Variants in PQBP1 observed in about 807,000 individuals in gnomAD.
The protein encoded by PQBP1 is polyglutamine binding protein 1, also known as polyglutamine-binding protein 1.
In PQBP1, 3 loss-of-function variants were observed where a neutral mutation model predicts 20.9. The ratio of observed to expected loss-of-function variants is 0.14; its 90% CI spans 0.07 to 0.37. The LOEUF (loss-of-function observed/expected upper bound fraction) is 0.37. PQBP1 is among the 10% of genes least tolerant of loss of function. PQBP1 has a pLI of 1.00. For synonymous variants in PQBP1, 83 were observed against 93.8 expected (o/e 0.88, Z 0.67); for missense variants, 162 against 240.3 (o/e 0.67, Z 2.16).
chrX:48,898,294 G>GT, intron 1 of PQBP1, 198 bp from the exon 2 acceptor site: 1 of 650,404 alleles, frequency 1.5e-6, no homozygotes, highest in Non-Finnish European at 2.5e-6. Context: ...TTCGGGGACA[G>GT]TAGGGTTGGT....
rs1557040210 is a variant in PQBP1, at chrX:48,898,485, T to C, written c.-18-7T>C. 8.3e-7 allele frequency: 1 copy of C among 1,206,797 alleles called. No individual in the cohort carries two copies. The highest frequency in any genetic ancestry group is 1.1e-6 in the Non-Finnish European group (1 of 891,102). On this transcript the variant is annotated splice_region_variant and splice_polypyrimidine_tract_variant and intron_variant, in intron 1 of 6. Transcript: ENST00000447146. The stretch of plus-strand genomic sequence containing the variant: ...AGCTGCTTGTCAGTTTGTTCGTCTG[T>C]CCCTAGGTCTGTCTGCTATCAGCTA...
Position 48,901,176 on chromosome X carries a change from C to T in PQBP1, c.68-14C>T. ...TCCTTATCTGCTCTCCTCATCCCCA[C>T]CTTGTTCTACCAGAACCAGAGGAAG... On this transcript the variant is annotated splice_polypyrimidine_tract_variant and intron_variant, in intron 2 of 6. Coordinates refer to ENST00000447146, the MANE Select transcript of PQBP1 (RefSeq NM_001032382.2). 8.3e-7 allele frequency: 1 copy of T among 1,204,374 alleles called. No individual in the cohort carries two copies. Among genetic ancestry groups the T allele is most frequent in the African/African-American group, 1.7e-5 (1 of 57,645 alleles).
Position 48,902,337 on chromosome X carries a change from C to G in PQBP1, c.397C>G (p.Arg133Gly), listed in dbSNP as rs201489630. 23 of 1,210,433 alleles carry G rather than the reference C, an allele frequency of 1.9e-5. No individual in the cohort carries two copies. Among genetic ancestry groups the G allele is most frequent in the Non-Finnish European group, 2.5e-5 (22 of 895,030 alleles). The change falls in exon 5 of 7, where the codon CGG (arginine) becomes GGG (glycine). Residue 133 changes from arginine (R) to glycine (G), a missense_variant. Transcript: ENST00000447146. Reference sequence around the variant, plus strand: ...AGACAGGGGCCACGACAAGTCAGACCGGGGCCACGACAAGTCTGACAGGGA... The same window carrying G: ...AGACAGGGGCCACGACAAGTCAGACGGGGGCCACGACAAGTCTGACAGGGA... Reference protein sequence around the residue: ...KLDRGHDKSDRGHDKSDRDRE... With the variant: ...KLDRGHDKSDGGHDKSDRDRE...
intron 3 of PQBP1, 135 bp from the exon 4 acceptor site, chrX:48,901,795 C>T (rs1290874503): frequency 5.5e-6 from 6 of 1,093,639 alleles, no homozygotes; most frequent in Non-Finnish European, 7.3e-6. Context: ...GTTTTCTCTT[C>T]AGGAGAAGAG....
At chrX:48,898,122 A>G in intron 1 of PQBP1, 40 bp downstream of exon 1, 2 of 1,014,141 alleles carry the variant, frequency 2.0e-6, no homozygotes, top group Non-Finnish European at 2.5e-6. Flanking sequence ...AGCTGGAGGA[A>G]GTGCTGCCCT....
At chrX:48,899,376 G>A (rs2063367327) in intron 2 of PQBP1, among the ~76,000 whole-genome samples, 1 of 111,691 alleles carries the variant, frequency 9.0e-6, no homozygotes. Flanking sequence ...GATTGCTTGA[G>A]TTTAGGGATT....
At chrX:48,900,397 G>A (rs1469866427) in intron 2 of PQBP1, among the ~76,000 whole-genome samples, 2 of 90,416 alleles carry the variant, frequency 2.2e-5, no homozygotes, top group Non-Finnish European at 4.2e-5. Flanking sequence ...GGGTTCAAGC[G>A]ATTCTCCTGC....
At chrX:48,898,361 T>C (rs782388025) in intron 1 of PQBP1, 131 bp from the exon 2 acceptor site, 104 of 647,587 alleles carry the variant, frequency 1.6e-4, no homozygotes, top group African/African-American at 1.3e-3. Flanking sequence ...GTATGTTCTG[T>C]CCACCCAGCT....
intron 5 of PQBP1, 54 bp from the exon 6 acceptor site, chrX:48,902,678 T>C: frequency 1.7e-6 from 2 of 1,167,476 alleles, no homozygotes; most frequent in South Asian, 3.8e-5. Context: ...TGGGGCTCAG[T>C]GATCAGGGGA....
At chrX:48,901,077 G>A (rs781978475) in intron 2 of PQBP1, 113 bp from the exon 3 acceptor site, 55 of 1,103,298 alleles carry the variant, frequency 5.0e-5, no homozygotes, top group Non-Finnish European at 6.1e-5. Flanking sequence ...ACACACACAC[G>A]TGTCTTTTAT....
intron 1 of PQBP1, 50 bp downstream of exon 1, chrX:48,898,132 TC>T (rs2063337131): frequency 9.8e-7 from 1 of 1,016,949 alleles, no homozygotes; most frequent in South Asian, 2.4e-5. Flanking sequence ...AGTGCTGCCC[TC>T]TGCTCCCCCA....
Position 48,902,794 on chromosome X carries a change from C to G in PQBP1, c.640C>G (p.Arg214Gly). The change falls in exon 6 of 7, where the codon CGG (arginine) becomes GGG (glycine). Residue 214 changes from arginine (R) to glycine (G), a missense_variant and splice_region_variant. By Grantham distance (125) the Arg-to-Gly change is moderately radical. Transcript: ENST00000447146. ...MDPSSYSDAPRGTWSTGLPKR... is the reference protein window; with the variant it reads ...MDPSSYSDAPGGTWSTGLPKR... ...CCCTAGCTCATACTCAGACGCCCCC[C>G]GGTAAGTGACAACCCCTCTTGACTC... 8.3e-7 allele frequency: 1 copy of G among 1,200,722 alleles called. No individual in the cohort carries two copies. The highest frequency in any genetic ancestry group is 1.1e-6 in the Non-Finnish European group (1 of 890,165).
rs1341944259 is a variant in PQBP1 at position 48,898,543 on chromosome X, G to A, written c.34G>A (p.Ala12Thr). Residue 12 changes from alanine to threonine, a missense_variant, in exon 2 of 7, where the codon GCC becomes ACC. By Grantham distance (58) the Ala-to-Thr change is moderately conservative (BLOSUM62 0). Transcript: ENST00000447146. ...GCCCGTTGCGCTGCAGACCCGCTTG[G>A]CCAAGAGAGGCATCCTCAAACATCT... Reference protein sequence around the residue: ...PLPVALQTRLAKRGILKHLEP... With the variant: ...PLPVALQTRLTKRGILKHLEP... The A allele has an allele frequency of 2.1e-5, 25 of 1,208,471 alleles. No homozygotes were observed. Among genetic ancestry groups the A allele is most frequent in the Non-Finnish European group, 2.8e-5 (25 of 894,828 alleles).
chrX:48,902,691 C>T lies in PQBP1; in HGVS notation c.578-41C>T, dbSNP rs1557041653. ...GGTGGGGCTCAGTGATCAGGGGATCCTGGTGCCTCTATTGAAGACTTTGCC... is the reference window on the plus strand; with the variant it reads ...GGTGGGGCTCAGTGATCAGGGGATCTTGGTGCCTCTATTGAAGACTTTGCC... On this transcript the variant is annotated intron_variant, in intron 5 of 6. Coordinates refer to ENST00000447146, the MANE Select transcript of PQBP1 (RefSeq NM_001032382.2). 6 of 1,178,267 alleles carry T rather than the reference C, an allele frequency of 5.1e-6. No individual in the cohort carries two copies. In the Admixed American group the frequency reaches 1.4e-4, roughly 28 times the overall value.
At chrX:48,901,497 A>G (rs1277897247) in intron 3 of PQBP1, 196 bp downstream of exon 3, 1 of 940,341 alleles carries the variant, frequency 1.1e-6, no homozygotes, top group Non-Finnish European at 1.5e-6. Context: ...CTCTTTTTTG[A>G]AACGGAGTTT....
rs782716919 is a variant in PQBP1, at chrX:48,900,777, C to T, written c.68-413C>T. 9.2e-5 allele frequency among the ~76,000 whole-genome samples: 10 copies of T among 108,783 alleles called. 1 individual carries two copies. The South Asian group carries it at 4.0e-3, about 44-fold the overall frequency. 94.5% of individuals were successfully genotyped at this position (108,783 alleles called of 115,157 possible). On this transcript the variant is annotated intron_variant, in intron 2 of 6. Transcript: ENST00000447146. ...CACTATGTTGACCAGGCTAGTCTCACAGACGGGTTTTCACCATCTTGGCCA... is the reference window on the plus strand; with the variant it reads ...CACTATGTTGACCAGGCTAGTCTCATAGACGGGTTTTCACCATCTTGGCCA...
chrX:48,898,572 G>A lies in PQBP1; in HGVS notation c.63G>A (p.Glu21=). The A allele has an allele frequency of 8.3e-7, 1 of 1,209,662 alleles. No homozygotes were observed. The highest frequency in any genetic ancestry group is 1.1e-6 in the Non-Finnish European group (1 of 894,286). The change falls in exon 2 of 7, where the codon GAG becomes GAA. Residue 21 remains glutamate, a synonymous_variant. Transcript: ENST00000447146. ...LAKRGILKHL[E]PEPEEEIIAE... ...AGAGAGGCATCCTCAAACATCTGGA[G>A]CCTGGTGAGACAGCTAAAAGCAGAT... is the stretch of plus-strand genomic sequence containing the variant.
intron 2 of PQBP1, 139 bp downstream of exon 2, chrX:48,898,715 A>G: frequency 1.9e-6 from 1 of 513,385 alleles, no homozygotes. Context: ...CGTTGTTAAC[A>G]ATGTGGATTC....
rs34214032 is a variant in PQBP1, at chrX:48,898,785, C to CTTTTTTTT, written c.67+241_67+248dup. ...GGGTTGGGGGAATAGATATTTCATT[C>CTTTTTTTT]TTTTTTTTTTTTTTTTTTTTTTTTT... On this transcript the variant is annotated intron_variant, in intron 2 of 6. Coordinates refer to ENST00000447146, the MANE Select transcript of PQBP1 (RefSeq NM_001032382.2). Among the ~76,000 whole-genome samples the CTTTTTTTT allele has an allele frequency of 2.2e-3, 47 of 21,482 alleles. 15 individuals are homozygous for CTTTTTTTT. The highest frequency in any genetic ancestry group is 2.5e-3 in the Non-Finnish European group (32 of 12,918). 18.7% of individuals were successfully genotyped at this position (21,482 alleles called of 115,157 possible).
Sources: allele counts gnomAD v4.1 joint callset (sites outside exome capture counted in the v4.1 genomes callset), GRCh38; gene constraint gnomAD v4.1.1; transcripts MANE v1.5; gene names NCBI Gene and HGNC (gene_info 2026-07-23, HGNC 2026-07-21).